MYPOP: variants seen among roughly 807,000 people sequenced by gnomAD.
The protein encoded by MYPOP is Myb related transcription factor, partner of profilin.
MYPOP carries 21 observed loss-of-function variants against 25.7 expected under a neutral mutation model. That is an observed-to-expected ratio of 0.82 (90% confidence interval 0.58 to 1.18). The LOEUF (loss-of-function observed/expected upper bound fraction) is 1.18. Ranked by LOEUF, MYPOP falls within the 50% of genes most tolerant of loss-of-function variation. MYPOP has a pLI of 0.00. For missense variants in MYPOP, 566 were observed against 588.3 expected (o/e 0.96, Z 0.39); for synonymous variants, 280 against 247.9 (o/e 1.13, Z -1.22).
rs914324826 is a variant in MYPOP, at chr19:45,901,822, G to A, written c.-49C>T. ...TGCCGTCTGGCGCATGGGGGGCGCCGGCGCTGCGGGCAAAGGGCGCACGGG... is the reference window on the plus strand; with the variant it reads ...TGCCGTCTGGCGCATGGGGGGCGCCAGCGCTGCGGGCAAAGGGCGCACGGG... On this transcript the variant is annotated 5_prime_UTR_variant, in exon 2 of 3. Coordinates refer to ENST00000322217, the MANE Select transcript of MYPOP (RefSeq NM_001012643.4). The surrounding 1 kb of genome is among the most constrained non-coding windows in gnomAD (Gnocchi z 5.7). The A allele has an allele frequency of 2.3e-6, 3 of 1,328,808 alleles. No homozygotes were observed. Among genetic ancestry groups the A allele is most frequent in the Admixed American group, 4.2e-5 (1 of 24,082 alleles). The allele number at this position is 1,328,808 out of a possible 1,614,324, so 82.3% of individuals were successfully genotyped here. A position where few individuals can be genotyped will look rare whatever the true frequency, so the allele number is the denominator to read the frequency against.
intron 2 of MYPOP, among the ~76,000 whole-genome samples, chr19:45,898,232 T>A (rs1222695449): frequency 6.6e-6 from 1 of 151,960 alleles, no homozygotes; most frequent in Non-Finnish European, 1.5e-5. Context: ...GCCCTCAGTT[T>A]CCCTACTTGT....
intron 2 of MYPOP, among the ~76,000 whole-genome samples, chr19:45,893,568 CAAA>C (rs35882237): frequency 0.025 from 2,045 of 82,350 alleles, 31 homozygotes; most frequent in East Asian, 0.13. Flanking sequence ...AACTCCGTCT[CAAA>C]AAAAAAAAAA....
intron 2 of MYPOP, among the ~76,000 whole-genome samples, chr19:45,896,675 G>A (rs1967209817): frequency 6.6e-6 from 1 of 150,718 alleles, no homozygotes; most frequent in African/African-American, 2.4e-5. Context: ...CCGGACTGCG[G>A]ACTGCAGTGG....
At chr19:45,896,905 G>A (rs922635847) in intron 2 of MYPOP, among the ~76,000 whole-genome samples, 14 of 152,094 alleles carry the variant, frequency 9.2e-5, no homozygotes, top group Non-Finnish European at 1.8e-4. Flanking sequence ...GATTACAGGC[G>A]TGAGCCACCG....
At chr19:45,899,218 C>T (rs1325182442) in intron 2 of MYPOP, among the ~76,000 whole-genome samples, 2 of 152,106 alleles carry the variant, frequency 1.3e-5, no homozygotes, top group Non-Finnish European at 2.9e-5. Context: ...AAGAGCAAAA[C>T]TCAGTCTCAA....
chr19:45,902,380 TG>T (rs1967314870), intron 1 of MYPOP, among the ~76,000 whole-genome samples, 189 bp downstream of exon 1: 1 of 151,436 alleles, frequency 6.6e-6, no homozygotes, highest in African/African-American at 2.4e-5. Flanking sequence ...CTGGAAGAGC[TG>T]GAACGATCAA....
At chr19:45,891,707 G>C (rs1193180441) in intron 2 of MYPOP, among the ~76,000 whole-genome samples, 2 of 152,080 alleles carry the variant, frequency 1.3e-5, no homozygotes, top group East Asian at 3.9e-4. Flanking sequence ...CAAAGTGCTG[G>C]GATTCCAGGT....
At position 45,901,708 on chromosome 19, in the gene MYPOP, G is replaced by C. The variant is rs768301061; in HGVS notation, c.66C>G (p.Phe22Leu). The C allele has an allele frequency of 1.2e-5, 19 of 1,586,826 alleles. 1 individual carries two copies. In the Middle Eastern group the frequency reaches 5.1e-4, roughly 42 times the overall value. ...CGCGGATCAGGATCTGGTTCTCTTCGAATGAGAAGCGCGGCTTGCGCAACC... is the reference window on the plus strand; with the variant it reads ...CGCGGATCAGGATCTGGTTCTCTTCCAATGAGAAGCGCGGCTTGCGCAACC... ...TTRLRKPRFS[F>L]EENQILIREV... Residue 22 changes from phenylalanine to leucine, a missense_variant, in exon 2 of 3, where the codon TTC becomes TTG. Coordinates refer to ENST00000322217, the MANE Select transcript of MYPOP (RefSeq NM_001012643.4). The surrounding 1 kb of genome is among the most constrained non-coding windows in gnomAD (Gnocchi z 5.7).
intron 2 of MYPOP, among the ~76,000 whole-genome samples, chr19:45,896,618 CTTTTTTTTTT>C (rs760658668): frequency 7.4e-6 from 1 of 134,792 alleles, no homozygotes; most frequent in East Asian, 2.2e-4. Context: ...AGAGTCCATT[CTTTTTTTTTT>C]TTTTTTTTGA....
At chr19:45,894,700 T>G (rs1412061692) in intron 2 of MYPOP, among the ~76,000 whole-genome samples, 1 of 151,674 alleles carries the variant, frequency 6.6e-6, no homozygotes, top group Non-Finnish European at 1.5e-5. Context: ...TATCGCCATA[T>G]ATATATACAT....
At chr19:45,892,575 G>A (rs909503316) in intron 2 of MYPOP, among the ~76,000 whole-genome samples, 2 of 152,040 alleles carry the variant, frequency 1.3e-5, no homozygotes, top group African/African-American at 2.4e-5. Context: ...TCACTTGCTC[G>A]GAGCTGGGCT....
chr19:45,896,487 A>C (rs1967206330), intron 2 of MYPOP, among the ~76,000 whole-genome samples: 1 of 152,174 alleles, frequency 6.6e-6, no homozygotes, highest in Admixed American at 6.6e-5. Context: ...CTTCCCAGCC[A>C]TTCTCTGGGG....
rs1403002677 is a variant in MYPOP at position 45,901,451 on chromosome 19, G to A, written c.323C>T (p.Ala108Val). 3.1e-6 allele frequency: 5 copies of A among 1,595,282 alleles called. No individual in the cohort carries two copies. In the African/African-American group the frequency reaches 6.8e-5, roughly 22 times the overall value. Residue 108 changes from alanine (A) to valine (V), a missense_variant, in exon 2 of 3, where the codon GCT becomes GTT. Transcript: ENST00000322217. This position sits in a 1 kb window ranked among gnomAD's most constrained non-coding sequence, Gnocchi z 5.7. Reference protein sequence around the residue: ...TQGAGPAAEDAFSAEEETIFA... With the variant: ...TQGAGPAAEDVFSAEEETIFA... ...AATGGTCTCCTCTTCCGCGGAGAAA[G>A]CGTCCTCCGCGGCGGGCCCGGCGCC...
rs998698112 is a variant in MYPOP at position 45,901,340 on chromosome 19, G to A, written c.434C>T (p.Pro145Leu). ...GCGCTGAGGGCAGGCGCTTGGGGGC[G>A]GCGGCTGTGAAGAGGGGGCCGCAGG... Reference protein sequence around the residue: ...EPPAAPSSQPPPPSACPQRYV... With the variant: ...EPPAAPSSQPLPPSACPQRYV... Residue 145 changes from proline to leucine, a missense_variant, in exon 2 of 3, where the codon CCG becomes CTG. Physicochemically the swap from Pro to Leu is moderately conservative, Grantham distance 98 (BLOSUM62 -3). Transcript: ENST00000322217. This position sits in a 1 kb window ranked among gnomAD's most constrained non-coding sequence, Gnocchi z 5.7. 4 of 1,459,548 alleles carry A rather than the reference G, an allele frequency of 2.7e-6. No individual in the cohort carries two copies. The highest frequency in any genetic ancestry group is 5.1e-5 in the East Asian group (2 of 39,100). 90.4% of individuals were successfully genotyped at this position (1,459,548 alleles called of 1,614,324 possible). A position where few individuals can be genotyped will look rare whatever the true frequency, so the allele number is the denominator to read the frequency against.
intron 2 of MYPOP, among the ~76,000 whole-genome samples, chr19:45,897,746 G>C (rs1967226792): frequency 1.3e-5 from 2 of 151,226 alleles, no homozygotes; most frequent in South Asian, 4.2e-4. Flanking sequence ...TGTAGAGATG[G>C]GGTCTCACTT....
Position 45,901,185 on chromosome 19 carries a change from T to A in MYPOP, c.499+90A>T. 8.2e-7 allele frequency: 1 copy of A among 1,215,806 alleles called. No homozygotes were observed. Among genetic ancestry groups the A allele is most frequent in the South Asian group, 2.2e-5 (1 of 44,538 alleles). 75.3% of individuals were successfully genotyped at this position (1,215,806 alleles called of 1,614,324 possible). A position where few individuals can be genotyped will look rare whatever the true frequency, so the allele number is the denominator to read the frequency against. On this transcript the variant is annotated intron_variant, in intron 2 of 2. Coordinates refer to ENST00000322217, the MANE Select transcript of MYPOP (RefSeq NM_001012643.4). The surrounding 1 kb of genome is among the most constrained non-coding windows in gnomAD (Gnocchi z 5.7). ...CTATAAAATGGGGCGAAGGACAGCA[T>A]CCACCTCACAGGGCTGCAGCAAGGC...
intron 2 of MYPOP, among the ~76,000 whole-genome samples, chr19:45,894,719 T>C (rs2146377580): frequency 6.7e-6 from 1 of 148,980 alleles, no homozygotes; most frequent in African/African-American, 2.4e-5. Context: ...ATTTTTTTCT[T>C]TTTTCTTTTT....
intron 2 of MYPOP, among the ~76,000 whole-genome samples, chr19:45,894,112 T>A (rs1967167308): frequency 6.7e-6 from 1 of 148,888 alleles, no homozygotes; most frequent in Admixed American, 6.7e-5. Context: ...TTTTAATTTT[T>A]ATTTATTTTT....
chr19:45,897,993 G>A (rs1269822703), intron 2 of MYPOP, among the ~76,000 whole-genome samples: 4 of 150,084 alleles, frequency 2.7e-5, no homozygotes. Flanking sequence ...GCACAATCTC[G>A]ACTCACTGCA....
Sources: gnomAD v4.1 joint callset for allele counts (sites outside exome capture counted in the v4.1 genomes callset) on GRCh38, gnomAD v4.1.1 for gene constraint, Gnocchi (gnomAD v3.1) non-coding constraint, MANE v1.5 for transcripts, NCBI Gene and HGNC (gene_info 2026-07-23, HGNC 2026-07-21) for gene names.